Variants in MED13L observed in about 807,000 individuals in gnomAD.
MED13L encodes the protein mediator complex subunit 13L, also known as mediator of RNA polymerase II transcription subunit 13-like.
MED13L carries 7 observed loss-of-function variants against 220.9 expected under a neutral mutation model. That is an observed-to-expected ratio of 0.03 (90% CI 0.02 to 0.06). The LOEUF (loss-of-function observed/expected upper bound fraction) is 0.06. Among genes scored for constraint, MED13L ranks in the 10% least tolerant of loss-of-function variants. The probability of loss-of-function intolerance (pLI) is 1.00; values close to 1 mark genes in which losing one functional copy is unlikely to be tolerated. For synonymous variants in MED13L, 1,011 were observed against 1,015.2 expected (o/e 1.00, Z 0.08); for missense variants, 1,965 against 2,760.5 (o/e 0.71, Z 6.46).
rs957772903 is a variant in MED13L, at chr12:116,136,064, G to A, written c.311-24552C>T. ...ATTACAGGCACCCGCCACCATGCCC[G>A]GCTAATTTTTGTATTTTTAGTAGAG... On this transcript the variant is annotated intron_variant, in intron 2 of 30. Transcript: ENST00000281928. Among the ~76,000 whole-genome samples the A allele has an allele frequency of 5.3e-5, 8 of 152,072 alleles. No homozygotes were observed. The South Asian group carries it at 8.3e-4, about 16-fold the overall frequency.
At chr12:116,080,517 G>A (rs932084276) in intron 4 of MED13L, among the ~76,000 whole-genome samples, 1 of 152,096 alleles carries the variant, frequency 6.6e-6, no homozygotes, top group Non-Finnish European at 1.5e-5. Flanking sequence ...AAATTCACAA[G>A]GGTACTATAG....
intron 1 of MED13L, among the ~76,000 whole-genome samples, chr12:116,270,503 A>AT (rs1252989225): frequency 6.6e-6 from 1 of 152,068 alleles, no homozygotes; most frequent in Non-Finnish European, 1.5e-5. Context: ...ATTTTAAACT[A>AT]TTTTTCTATC....
intron 24 of MED13L, 78 bp downstream of exon 24, chr12:115,975,437 T>C (rs921878136): frequency 1.9e-5 from 30 of 1,591,164 alleles, no homozygotes; most frequent in South Asian, 1.5e-4. Flanking sequence ...TTCATTTACA[T>C]AGAAAACTGG....
intron 4 of MED13L, among the ~76,000 whole-genome samples, chr12:116,035,558 G>A (rs1881134290): frequency 6.6e-6 from 1 of 151,972 alleles, no homozygotes; most frequent in African/African-American, 2.4e-5. Flanking sequence ...TCAAGGTCCA[G>A]TAAGTAACAC....
chr12:116,050,884 A>G (rs1420736830), intron 4 of MED13L, among the ~76,000 whole-genome samples: 1 of 152,176 alleles, frequency 6.6e-6, no homozygotes, highest in African/African-American at 2.4e-5. Flanking sequence ...GCTTGCAGTG[A>G]GCCGAGATCA....
At chr12:116,216,119 T>C (rs1026973904) in intron 2 of MED13L, among the ~76,000 whole-genome samples, 2 of 152,184 alleles carry the variant, frequency 1.3e-5, no homozygotes, top group Admixed American at 1.3e-4. Flanking sequence ...TGTGACACTT[T>C]TACTAAGCTA....
intron 1 of MED13L, among the ~76,000 whole-genome samples, chr12:116,241,861 C>T (rs60148317): frequency 2.0e-5 from 3 of 151,922 alleles, no homozygotes; most frequent in African/African-American, 2.4e-5. Flanking sequence ...AATGGGTGTT[C>T]GAAGATTTAG....
intron 4 of MED13L, among the ~76,000 whole-genome samples, chr12:116,025,121 T>C (rs918662276): frequency 4.6e-5 from 7 of 152,084 alleles, no homozygotes; most frequent in Admixed American, 6.5e-5. Context: ...AACAGGTATA[T>C]AGAAAAAATG....
At chr12:116,100,752 CA>C (rs1873005825) in intron 3 of MED13L, among the ~76,000 whole-genome samples, 1 of 151,810 alleles carries the variant, frequency 6.6e-6, no homozygotes, top group Non-Finnish European at 1.5e-5. Flanking sequence ...CAAAAAATTA[CA>C]AAAATTAGCT....
rs1249032322 is a variant in MED13L, at chr12:115,966,124, T to C, written c.6345A>G (p.Ser2115=). The change falls in exon 29 of 31, where the codon TCA becomes TCG. Residue 2115 remains serine, a synonymous_variant. Coordinates refer to ENST00000281928, the MANE Select transcript of MED13L (RefSeq NM_015335.5). ...KAENLPQWFW[S]SCPQAQNQCP... ...ACTGGTTTTGAGCCTGGGGACACGA[T>C]GACCAAAACCACTGGGGAAGATTCT... The C allele has an allele frequency of 6.2e-7, 1 of 1,614,028 alleles. No homozygotes were observed. The highest frequency in any genetic ancestry group is 8.5e-7 in the Non-Finnish European group (1 of 1,180,024).
intron 2 of MED13L, among the ~76,000 whole-genome samples, chr12:116,122,787 C>T (rs1479580864): frequency 1.3e-5 from 2 of 152,134 alleles, no homozygotes; most frequent in African/African-American, 4.8e-5. Context: ...TTCTACACAG[C>T]ATTGTAGCAG....
intron 2 of MED13L, among the ~76,000 whole-genome samples, chr12:116,139,640 T>C (rs999933680): frequency 6.6e-6 from 1 of 152,188 alleles, no homozygotes; most frequent in East Asian, 1.9e-4. Context: ...TTTATCTCTT[T>C]TGTCGCACAT....
Position 116,187,882 on chromosome 12 carries a change from T to TA in MED13L, c.310+49585dup, listed in dbSNP as rs75880346. Among the ~76,000 whole-genome samples, 435 of 132,624 alleles carry TA rather than the reference T, an allele frequency of 3.3e-3. 1 individual carries two copies. The highest frequency in any genetic ancestry group is 4.5e-3 in the Admixed American group (59 of 13,098). The allele number at this position is 132,624 out of a possible 152,430, so 87.0% of individuals were successfully genotyped here. ...CTTTTTTTCTTTTTCTTTTATAAGTTAAAAAAAAAAAAAAAGGCTTTTCCT... is the reference window on the plus strand; with the variant it reads ...CTTTTTTTCTTTTTCTTTTATAAGTTAAAAAAAAAAAAAAAAGGCTTTTCCT... On this transcript the variant is annotated intron_variant, in intron 2 of 30. Transcript: ENST00000281928.
intron 2 of MED13L, among the ~76,000 whole-genome samples, chr12:116,113,403 G>A (rs996606879): frequency 2.6e-5 from 4 of 151,298 alleles, no homozygotes; most frequent in South Asian, 2.1e-4. Context: ...TTGCAAGGCC[G>A]AGGCAGAAGG....
intron 4 of MED13L, among the ~76,000 whole-genome samples, chr12:116,053,914 T>A (rs1042432239): frequency 2.0e-5 from 3 of 151,942 alleles, no homozygotes; most frequent in African/African-American, 7.3e-5. Flanking sequence ...GCTCAAGGAG[T>A]TAAAGTAACT....
intron 29 of MED13L, among the ~76,000 whole-genome samples, chr12:115,963,864 C>G (rs1340344973): frequency 2.6e-5 from 4 of 152,052 alleles, no homozygotes; most frequent in African/African-American, 9.7e-5. Context: ...TCAATATTCA[C>G]CACTTTTCTG....
At chr12:116,072,032 C>T (rs1261409697) in intron 4 of MED13L, among the ~76,000 whole-genome samples, 1 of 152,176 alleles carries the variant, frequency 6.6e-6, no homozygotes, top group African/African-American at 2.4e-5. Flanking sequence ...CCTAAACAAT[C>T]CTGGCTCTAT....
intron 2 of MED13L, among the ~76,000 whole-genome samples, chr12:116,190,995 G>A (rs1450657260): frequency 2.0e-5 from 3 of 151,366 alleles, no homozygotes; most frequent in Non-Finnish European, 2.9e-5. Context: ...GGGATGCTGA[G>A]ACAGAAGAAG....
At chr12:116,102,986 G>C (rs1446849857) in intron 3 of MED13L, among the ~76,000 whole-genome samples, 1 of 151,780 alleles carries the variant, frequency 6.6e-6, no homozygotes, top group Non-Finnish European at 1.5e-5. Flanking sequence ...AAAGTACTGG[G>C]AGTAAAGGCA....
Sources: gnomAD v4.1 joint callset for allele counts (sites outside exome capture counted in the v4.1 genomes callset) on GRCh38, gnomAD v4.1.1 for gene constraint, MANE v1.5 for transcripts, NCBI Gene and HGNC (gene_info 2026-07-23, HGNC 2026-07-21) for gene names.